Variants in RNF216 observed in about 807,000 individuals in gnomAD.
RNF216 encodes E3 ubiquitin-protein ligase RNF216.
RNF216 carries 72 observed loss-of-function variants against 110.8 expected under a neutral mutation model. The ratio of observed to expected loss-of-function variants is 0.65; its 90% CI spans 0.54 to 0.79. The LOEUF is 0.79. Ranked by LOEUF, RNF216 falls within the 30% of genes least tolerant of loss-of-function variation. The pLI, the probability that RNF216 is intolerant of heterozygous loss-of-function variation, is 0.00. For missense variants in RNF216, 1,342 were observed against 1,141.2 expected, an observed-to-expected ratio of 1.18 and a Z score of -2.54; for synonymous variants, 495 against 407.5, an observed-to-expected ratio of 1.21 and a Z score of -2.59.
chr7:5,712,877 A>G lies in RNF216; in HGVS notation c.1834-14T>C. 6.3e-7 allele frequency: 1 copy of G among 1,595,514 alleles called. No individual in the cohort carries two copies. The highest frequency in any genetic ancestry group is 1.1e-5 in the South Asian group (1 of 87,962). ...GCTGAGCTCCAACTAGAAAAAGGCG[A>G]AAAGGCAAAGAAAAAAAAATCAATA... On this transcript the variant is annotated splice_polypyrimidine_tract_variant and intron_variant, in intron 11 of 16. Transcript: ENST00000389902.
intron 11 of RNF216, among the ~76,000 whole-genome samples, chr7:5,713,809 A>G (rs181376738): frequency 5.3e-4 from 81 of 152,348 alleles, no homozygotes; most frequent in African/African-American, 1.8e-3. Context: ...GTGTCAAACA[A>G]TAAGTTCATT....
At chr7:5,677,907 T>C (rs1263475645) in intron 13 of RNF216, among the ~76,000 whole-genome samples, 2 of 152,182 alleles carry the variant, frequency 1.3e-5, no homozygotes, top group Non-Finnish European at 2.9e-5. Flanking sequence ...GGTTCCTGGT[T>C]TACATACACA....
At chr7:5,626,540 G>C (rs1261698262) in intron 15 of RNF216, among the ~76,000 whole-genome samples, 1 of 151,986 alleles carries the variant, frequency 6.6e-6, no homozygotes, top group Non-Finnish European at 1.5e-5. Context: ...AACAAAGTGA[G>C]ATCCTATCTC....
chr7:5,695,422 CTGTTT>C (rs779974880), intron 13 of RNF216, among the ~76,000 whole-genome samples: 18 of 152,144 alleles, frequency 1.2e-4, no homozygotes, highest in Non-Finnish European at 2.2e-4. Context: ...CCTTCCTCTC[CTGTTT>C]TTTCTTATGG....
chr7:5,740,104 CTTTTTTTTTTT>C (rs71004698), intron 4 of RNF216, among the ~76,000 whole-genome samples: 606 of 117,938 alleles, frequency 5.1e-3, no homozygotes, highest in African/African-American at 9.2e-3. Context: ...GATGTAACAC[CTTTTTTTTTTT>C]TTTTTTTTTT....
chr7:5,701,354 A>C (rs1791959041), intron 13 of RNF216, among the ~76,000 whole-genome samples: 1 of 152,128 alleles, frequency 6.6e-6, no homozygotes, highest in Admixed American at 6.5e-5. Flanking sequence ...ACTTTAGGGG[A>C]ACTCCATGCT....
chr7:5,764,653 A>C (rs1796108001), intron 1 of RNF216, among the ~76,000 whole-genome samples: 1 of 152,152 alleles, frequency 6.6e-6, no homozygotes, highest in Non-Finnish European at 1.5e-5. Flanking sequence ...GTCTCAAAAA[A>C]AAAAAAAGAC....
intron 13 of RNF216, among the ~76,000 whole-genome samples, chr7:5,658,638 C>G (rs1447046797): frequency 3.2e-5 from 4 of 123,362 alleles, no homozygotes; most frequent in Admixed American, 9.8e-5. Context: ...GTCTGGGTGA[C>G]AGAGAGAGAC....
At chr7:5,708,088 C>T (rs1383096836) in intron 13 of RNF216, among the ~76,000 whole-genome samples, 3 of 152,114 alleles carry the variant, frequency 2.0e-5, no homozygotes, top group Admixed American at 6.5e-5. Flanking sequence ...AAGTGTATCG[C>T]CTTGTGGCTG....
chr7:5,765,595 A>C (rs1584604921), intron 1 of RNF216, among the ~76,000 whole-genome samples: 1 of 151,672 alleles, frequency 6.6e-6, no homozygotes, highest in Admixed American at 6.6e-5. Flanking sequence ...ATGCCACTGC[A>C]CTCCAGCCAG....
At chr7:5,756,113 AG>A (rs1795628007) in intron 2 of RNF216, among the ~76,000 whole-genome samples, 1 of 74,778 alleles carries the variant, frequency 1.3e-5, no homozygotes, top group Non-Finnish European at 4.0e-5. Flanking sequence ...CTCTCGTGAT[AG>A]TGAGTGAGTC....
In RNF216 at chr7:5,623,017, A is replaced by C. The variant is rs1196999127; in HGVS notation, c.2615T>G (p.Val872Gly). The change falls in exon 17 of 17, where the codon GTG (valine) becomes GGG (glycine). Residue 872 changes from valine to glycine, a missense_variant. Transcript: ENST00000389902. ...PPFPLPPVRPVFNNFPLNMGP... is the reference protein window; with the variant it reads ...PPFPLPPVRPGFNNFPLNMGP... ...CATGTTGAGTGGGAAGTTGTTGAAC[A>C]CAGGCCGCACGGGAGGCAGGGGGAA... is the stretch of plus-strand genomic sequence containing the variant. 6.2e-7 allele frequency: 1 copy of C among 1,614,046 alleles called. No homozygotes were observed. The highest frequency in any genetic ancestry group is 8.5e-7 in the Non-Finnish European group (1 of 1,179,988).
rs550977959 is a variant in RNF216, at chr7:5,658,875, T to A, written c.2062-6365A>T. 2.0e-5 allele frequency among the ~76,000 whole-genome samples: 3 copies of A among 152,266 alleles called. No individual in the cohort carries two copies. The South Asian group carries it at 6.2e-4, about 32-fold the overall frequency. On this transcript the variant is annotated intron_variant, in intron 13 of 16. Coordinates refer to ENST00000389902, the MANE Select transcript of RNF216 (RefSeq NM_207111.4). Reference sequence around the variant, plus strand: ...ATACGGCAAGCAATAAAATTGTACATCTGCCGCTCTCAATACTGAAGCGCC... The same window carrying A: ...ATACGGCAAGCAATAAAATTGTACAACTGCCGCTCTCAATACTGAAGCGCC...
intron 13 of RNF216, among the ~76,000 whole-genome samples, chr7:5,679,254 C>T (rs1369965766): frequency 6.6e-6 from 1 of 152,184 alleles, no homozygotes; most frequent in Non-Finnish European, 1.5e-5. Flanking sequence ...GGACAGGCAT[C>T]TGAACATGGC....
chr7:5,695,246 C>G (rs1791553455), intron 13 of RNF216, among the ~76,000 whole-genome samples: 1 of 152,150 alleles, frequency 6.6e-6, no homozygotes, highest in Non-Finnish European at 1.5e-5. Flanking sequence ...TCAAGAGTAC[C>G]AAATACCAAT....
At chr7:5,648,747 GAAA>G (rs1480291789) in intron 14 of RNF216, among the ~76,000 whole-genome samples, 8 of 148,392 alleles carry the variant, frequency 5.4e-5, no homozygotes, top group Non-Finnish European at 8.9e-5. Context: ...AAAAAGAAAA[GAAA>G]AAAAGAAAAC....
intron 13 of RNF216, among the ~76,000 whole-genome samples, chr7:5,660,927 G>C (rs995121758): frequency 7.1e-6 from 1 of 140,568 alleles, no homozygotes; most frequent in African/African-American, 2.8e-5. Flanking sequence ...CTAGCTCCAT[G>C]CTCCTGAAGC....
At chr7:5,699,492 T>C (rs774616993) in intron 13 of RNF216, among the ~76,000 whole-genome samples, 44 of 152,362 alleles carry the variant, frequency 2.9e-4, no homozygotes, top group Non-Finnish European at 5.3e-4. Context: ...GCTCAAGCTA[T>C]TCTTCCCATA....
In RNF216 at chr7:5,712,791, G is replaced by T. The variant is rs1216219008; in HGVS notation, c.1906C>A (p.Gln636Lys). Residue 636 changes from glutamine to lysine, a missense_variant, in exon 12 of 17, where the codon CAG becomes AAG. Physicochemically the swap from Gln to Lys is moderately conservative, Grantham distance 53 (BLOSUM62 1). Transcript: ENST00000389902. ...TCATAGTACTTATACAGGATGGTCTGGGGGAGCACCTTCTCCAGCTCACTG... is the reference window on the plus strand; with the variant it reads ...TCATAGTACTTATACAGGATGGTCTTGGGGAGCACCTTCTCCAGCTCACTG... ...PTSELEKVLPQTILYKYYERK... is the reference protein window; with the variant it reads ...PTSELEKVLPKTILYKYYERK... 3.1e-6 allele frequency: 5 copies of T among 1,613,912 alleles called. No homozygotes were observed. Among genetic ancestry groups the T allele is most frequent in the Non-Finnish European group, 4.2e-6 (5 of 1,179,966 alleles).
Sources: allele counts gnomAD v4.1 joint callset (sites outside exome capture counted in the v4.1 genomes callset), GRCh38; gene constraint gnomAD v4.1.1; transcripts MANE v1.5; gene names NCBI Gene and HGNC (gene_info 2026-07-23, HGNC 2026-07-21).